Variants in RNF11 observed in about 807,000 individuals in gnomAD.
The protein encoded by RNF11 is ring finger protein 11.
In RNF11, 4 loss-of-function variants were observed where a neutral mutation model predicts 15.8. That is an observed-to-expected ratio of 0.25 (90% CI 0.12 to 0.58). RNF11 has a LOEUF of 0.58. RNF11 is among the 20% of genes least tolerant of loss of function. The probability of loss-of-function intolerance (pLI) is 0.91; values close to 1 mark genes in which losing one functional copy is unlikely to be tolerated. For missense variants in RNF11, 139 were observed against 194.4 expected (o/e 0.71, Z 1.70); for synonymous variants, 68 against 72.3 (o/e 0.94, Z 0.30).
intron 1 of RNF11, chr1:51,250,538 G>C: frequency 1.8e-6 from 1 of 565,700 alleles, no homozygotes; most frequent in Admixed American, 3.4e-5. Context: ...TTTTGTTTGA[G>C]ATTTGTGACA....
chr1:51,250,897 G>T, intron 1 of RNF11: 1 of 1,048,116 alleles, frequency 9.5e-7, no homozygotes, highest in Non-Finnish European at 1.4e-6. Context: ...ACAGGGATGA[G>T]GTGCACCAGT....
In RNF11 at chr1:51,245,854, CGACTT is replaced by C. The variant is rs1646849391; in HGVS notation, c.123+8978_123+8982del. Among the ~76,000 whole-genome samples the C allele has an allele frequency of 2.0e-5, 3 of 152,306 alleles. No individual in the cohort carries two copies. In the South Asian group the frequency reaches 6.2e-4, roughly 32 times the overall value. The stretch of plus-strand genomic sequence containing the variant: ...AATACATAAAAGACATATTTGCAAA[CGACTT>C]GAGGCAAGAAAAGAAATACAACACA... On this transcript the variant is annotated intron_variant, in intron 1 of 2. Transcript: ENST00000242719.
At chr1:51,252,983 G>A (rs1646887859) in intron 1 of RNF11, among the ~76,000 whole-genome samples, 1 of 151,634 alleles carries the variant, frequency 6.6e-6, no homozygotes, top group Non-Finnish European at 1.5e-5. Flanking sequence ...CCCACCACGC[G>A]CGGCTAATTT....
At chr1:51,267,669 G>T (rs1646961117) in intron 1 of RNF11, among the ~76,000 whole-genome samples, 1 of 152,218 alleles carries the variant, frequency 6.6e-6, no homozygotes. Flanking sequence ...GGGGAAGCAG[G>T]TGTTGAACAT....
At chr1:51,248,549 A>G (rs1427951276) in intron 1 of RNF11, among the ~76,000 whole-genome samples, 1 of 152,132 alleles carries the variant, frequency 6.6e-6, no homozygotes, top group Non-Finnish European at 1.5e-5. Context: ...CTCAACGGGG[A>G]AAGGAGAAAT....
At chr1:51,269,031 A>G (rs895468215) in intron 1 of RNF11, among the ~76,000 whole-genome samples, 3 of 152,200 alleles carry the variant, frequency 2.0e-5, no homozygotes, top group Non-Finnish European at 4.4e-5. Flanking sequence ...GCTTTATTCA[A>G]AGACATTAAG....
intron 1 of RNF11, among the ~76,000 whole-genome samples, chr1:51,243,870 A>C (rs1024231242): frequency 1.3e-5 from 2 of 152,196 alleles, no homozygotes; most frequent in Non-Finnish European, 2.9e-5. Flanking sequence ...TGTATACTCC[A>C]GTCATACTGA....
intron 1 of RNF11, among the ~76,000 whole-genome samples, chr1:51,258,341 A>G (rs1646914860): frequency 6.6e-6 from 1 of 152,228 alleles, no homozygotes; most frequent in African/African-American, 2.4e-5. Flanking sequence ...TAGGTTGGGC[A>G]GTAGAGCAGG....
At chr1:51,249,709 C>G (rs1429028246) in intron 1 of RNF11, among the ~76,000 whole-genome samples, 3 of 152,084 alleles carry the variant, frequency 2.0e-5, no homozygotes, top group Non-Finnish European at 4.4e-5. Flanking sequence ...CTTATTCATT[C>G]CATTATGTGT....
intron 1 of RNF11, among the ~76,000 whole-genome samples, chr1:51,252,010 C>CAG (rs201626919): frequency 0.022 from 3,078 of 140,384 alleles, 92 homozygotes; most frequent in African/African-American, 0.07. Flanking sequence ...ATCCGGGAGA[C>CAG]AGGTCGCAGT....
rs145075866 is a variant in RNF11 at position 51,252,805 on chromosome 1, T to TTGTGTGTGTGTGTGTGTGTG, written c.123+15938_123+15957dup. On this transcript the variant is annotated intron_variant, in intron 1 of 2. Transcript: ENST00000242719. ...TCTTTTGTGAAGTCTTTTGTCCAGT[T>TTGTGTGTGTGTGTGTGTGTG]TGTGTGTGTGTGTGTGTGTGTGTGT... 5.6e-3 allele frequency among the ~76,000 whole-genome samples: 801 copies of TTGTGTGTGTGTGTGTGTGTG among 143,978 alleles called. 8 individuals are homozygous for TTGTGTGTGTGTGTGTGTGTG. The highest frequency in any genetic ancestry group is 0.02 in the African/African-American group (759 of 38,916). The allele number at this position is 143,978 out of a possible 152,430, so 94.5% of individuals were successfully genotyped here.
chr1:51,267,545 C>G (rs898373428), intron 1 of RNF11, among the ~76,000 whole-genome samples: 1 of 152,246 alleles, frequency 6.6e-6, no homozygotes, highest in Admixed American at 6.5e-5. Flanking sequence ...ATGCTTAATT[C>G]CTTCAACATA....
At chr1:51,261,701 T>C (rs77999652) in intron 1 of RNF11, among the ~76,000 whole-genome samples, 2 of 147,824 alleles carry the variant, frequency 1.4e-5, no homozygotes, top group Non-Finnish European at 3.0e-5. Context: ...TTTTTTTTTT[T>C]TCTTGAGACG....
chr1:51,255,627 A>G (rs555339104), intron 1 of RNF11, among the ~76,000 whole-genome samples: 63 of 152,102 alleles, frequency 4.1e-4, no homozygotes, highest in African/African-American at 1.5e-3. Context: ...CAGTTTGTCT[A>G]TTTTTTTCTT....
intron 1 of RNF11, among the ~76,000 whole-genome samples, chr1:51,259,509 A>C (rs772565458): frequency 3.3e-5 from 5 of 152,248 alleles, no homozygotes; most frequent in Non-Finnish European, 7.3e-5. Flanking sequence ...TGTATAATGC[A>C]GCTTCTCATC....
At position 51,273,320 on chromosome 1, in the gene RNF11, A is replaced by G. The variant is rs949350884; in HGVS notation, c.*1998A>G. 2 of 152,160 alleles carry G rather than the reference A, an allele frequency of 1.3e-5. No individual in the cohort carries two copies. Among genetic ancestry groups the G allele is most frequent in the Non-Finnish European group, 2.9e-5 (2 of 67,996 alleles). 9.4% of individuals were successfully genotyped at this position (152,160 alleles called of 1,614,324 possible). ...TCTTTCACAGAAGTTTGGTGGTAAT[A>G]TTGAAAGAACTAGCATTGGGCAGAA... On this transcript the variant is annotated 3_prime_UTR_variant, in exon 3 of 3. Transcript: ENST00000242719.
chr1:51,248,624 G>A (rs1646863620), intron 1 of RNF11, among the ~76,000 whole-genome samples: 1 of 152,206 alleles, frequency 6.6e-6, no homozygotes, highest in Admixed American at 6.5e-5. Flanking sequence ...TATGAGGTCA[G>A]CATGAAATAG....
At chr1:51,261,054 C>T (rs748164846) in intron 1 of RNF11, among the ~76,000 whole-genome samples, 11 of 152,270 alleles carry the variant, frequency 7.2e-5, no homozygotes, top group Admixed American at 1.3e-4. Flanking sequence ...ACATATACCT[C>T]ACCACCTCCT....
chr1:51,244,333 C>T (rs140582536), intron 1 of RNF11, among the ~76,000 whole-genome samples: 5 of 151,940 alleles, frequency 3.3e-5, no homozygotes, highest in Non-Finnish European at 5.9e-5. Flanking sequence ...TTATAAAGTA[C>T]GTTGAGCTTT....
Sources: gnomAD v4.1 joint callset for allele counts (sites outside exome capture counted in the v4.1 genomes callset) on GRCh38, gnomAD v4.1.1 for gene constraint, MANE v1.5 for transcripts, NCBI Gene and HGNC (gene_info 2026-07-23, HGNC 2026-07-21) for gene names.